Variants in SPIRE1 observed in about 807,000 individuals in gnomAD.
The protein encoded by SPIRE1 is protein spire homolog 1.
In SPIRE1, 40 loss-of-function variants were observed where a neutral mutation model predicts 94.1. The ratio of observed to expected loss-of-function variants is 0.43; its 90% confidence interval spans 0.33 to 0.55. The LOEUF is 0.55. Ranked by LOEUF, SPIRE1 falls within the 20% of genes least tolerant of loss-of-function variation. The probability of loss-of-function intolerance (pLI) is 0.06; values close to 1 mark genes in which losing one functional copy is unlikely to be tolerated. For synonymous variants in SPIRE1, 376 were observed against 371.7 expected (o/e 1.01, Z -0.13); for missense variants, 838 against 975.2 (o/e 0.86, Z 1.87).
chr18:12,574,019 G>A (rs536986634), intron 2 of SPIRE1, among the ~76,000 whole-genome samples: 168 of 152,286 alleles, frequency 1.1e-3, no homozygotes, highest in African/African-American at 3.7e-3. Flanking sequence ...GATTACAGGC[G>A]TGAGCCACCG....
At chr18:12,540,447 C>T (rs1437370874) in intron 3 of SPIRE1, among the ~76,000 whole-genome samples, 1 of 152,144 alleles carries the variant, frequency 6.6e-6, no homozygotes, top group Non-Finnish European at 1.5e-5. Context: ...GCGATCTTGG[C>T]TCACTGCAAC....
chr18:12,499,082 A>C (rs2033565618), intron 6 of SPIRE1, among the ~76,000 whole-genome samples: 1 of 152,184 alleles, frequency 6.6e-6, no homozygotes, highest in South Asian at 2.1e-4. Flanking sequence ...TTTATCTTAA[A>C]TAAAACAGAA....
chr18:12,522,583 C>T (rs2034392916), intron 4 of SPIRE1, among the ~76,000 whole-genome samples: 1 of 152,174 alleles, frequency 6.6e-6, no homozygotes, highest in African/African-American at 2.4e-5. Context: ...AAGATACCAT[C>T]TGGGACTTTC....
intron 8 of SPIRE1, among the ~76,000 whole-genome samples, chr18:12,488,946 G>A (rs1181937762): frequency 3.9e-5 from 6 of 152,290 alleles, no homozygotes; most frequent in Middle Eastern, 3.4e-3. Flanking sequence ...AGCACTTTCG[G>A]AGGCCGAGAC....
chr18:12,641,491 C>T (rs1202038556), intron 1 of SPIRE1, among the ~76,000 whole-genome samples: 1 of 151,974 alleles, frequency 6.6e-6, no homozygotes, highest in African/African-American at 2.4e-5. Flanking sequence ...GCCTCAGCCT[C>T]CCAAGTAGCT....
rs541576074 is a variant in SPIRE1 at position 12,639,490 on chromosome 18, T to C, written c.338-4394A>G. Among the ~76,000 whole-genome samples, 352 of 152,172 alleles carry C rather than the reference T, an allele frequency of 2.3e-3. 3 individuals are homozygous for C. Among genetic ancestry groups the C allele is most frequent in the South Asian group, 0.014 (69 of 4,818 alleles). ...GGCTCATACCTGCCATCCGAGCACT[T>C]TGGGAGGCCAAGGCAGGTGGATCAC... is the stretch of plus-strand genomic sequence containing the variant. On this transcript the variant is annotated intron_variant, in intron 1 of 16. Coordinates refer to ENST00000409402, the MANE Select transcript of SPIRE1 (RefSeq NM_001128626.2).
chr18:12,519,760 T>C (rs1466427429), intron 4 of SPIRE1, among the ~76,000 whole-genome samples: 4 of 152,218 alleles, frequency 2.6e-5, no homozygotes, highest in Admixed American at 1.3e-4. Flanking sequence ...ATTGTTAAGA[T>C]ACTAATTTTC....
intron 2 of SPIRE1, among the ~76,000 whole-genome samples, chr18:12,629,056 AATG>A (rs2144786154): frequency 6.6e-6 from 1 of 152,386 alleles, no homozygotes; most frequent in South Asian, 2.1e-4. Context: ...AGATTAAAGT[AATG>A]ATAAAAGTTC....
intron 8 of SPIRE1, among the ~76,000 whole-genome samples, chr18:12,491,834 A>T (rs994898828): frequency 2.6e-5 from 4 of 152,224 alleles, no homozygotes; most frequent in Non-Finnish European, 4.4e-5. Flanking sequence ...GCTGCGACAG[A>T]TGACAGCCTC....
At chr18:12,635,896 T>A (rs569490335) in intron 1 of SPIRE1, among the ~76,000 whole-genome samples, 1 of 143,208 alleles carries the variant, frequency 7.0e-6, no homozygotes, top group African/African-American at 2.7e-5. Context: ...GTTTTTTTTG[T>A]TTTTTTTTTT....
intron 10 of SPIRE1, among the ~76,000 whole-genome samples, chr18:12,477,567 G>A (rs1023621478): frequency 6.6e-6 from 1 of 152,154 alleles, no homozygotes; most frequent in African/African-American, 2.4e-5. Flanking sequence ...CCTCCTCTCA[G>A]GGAACATGTA....
chr18:12,535,419 A>C lies in SPIRE1; in HGVS notation c.729+57T>G. On this transcript the variant is annotated intron_variant, in intron 4 of 16. Transcript: ENST00000409402. ...AAAATTTAGGTTTCTCTTCCAACAA[A>C]TATCAAATGCATGCCAATCAAACAA... 4 of 1,552,724 alleles carry C rather than the reference A, an allele frequency of 2.6e-6. No homozygotes were observed. The South Asian group carries it at 3.5e-5, about 14-fold the overall frequency.
At chr18:12,458,416 C>T (rs901165254) in intron 12 of SPIRE1, among the ~76,000 whole-genome samples, 1 of 151,534 alleles carries the variant, frequency 6.6e-6, no homozygotes, top group South Asian at 2.1e-4. Context: ...TGGAGACCAT[C>T]CTGGCTAACA....
At chr18:12,521,815 T>C (rs2034369277) in intron 4 of SPIRE1, among the ~76,000 whole-genome samples, 1 of 152,164 alleles carries the variant, frequency 6.6e-6, no homozygotes, top group South Asian at 2.1e-4. Context: ...GGAGTGATCT[T>C]TGATGTTACT....
At chr18:12,631,757 T>A (rs1262448105) in intron 2 of SPIRE1, among the ~76,000 whole-genome samples, 1 of 151,954 alleles carries the variant, frequency 6.6e-6, no homozygotes, top group Admixed American at 6.6e-5. Context: ...CCCAGCTACT[T>A]GGGAGGCTGA....
In SPIRE1 at chr18:12,623,640, T is replaced by C. The variant is rs1416613917; in HGVS notation, c.372+11422A>G. ...TGATAAGGCAAATTCTTTTTTGTTT[T>C]GTTTTTTGAGAGAGTTTCACTCTTG... On this transcript the variant is annotated intron_variant, in intron 2 of 16. Coordinates refer to ENST00000409402, the MANE Select transcript of SPIRE1 (RefSeq NM_001128626.2). 2.6e-5 allele frequency among the ~76,000 whole-genome samples: 4 copies of C among 152,134 alleles called. No homozygotes were observed. The South Asian group carries it at 8.3e-4, about 31-fold the overall frequency.
chr18:12,448,562 C>T lies in SPIRE1; in HGVS notation c.*1076G>A, dbSNP rs1422155412. 2 of 152,282 alleles carry T rather than the reference C, an allele frequency of 1.3e-5. No homozygotes were observed. Among genetic ancestry groups the T allele is most frequent in the South Asian group, 2.1e-4 (1 of 4,826 alleles). The allele number at this position is 152,282 out of a possible 1,614,324, so 9.4% of individuals were successfully genotyped here. A position where few individuals can be genotyped will look rare whatever the true frequency, so the allele number is the denominator to read the frequency against. ...ACAAGGAAAACTAGTGCAGAAAGCA[C>T]CCCAAAAATGTTGCCTGTCAGCAGG... On this transcript the variant is annotated 3_prime_UTR_variant, in exon 17 of 17. Coordinates refer to ENST00000409402, the MANE Select transcript of SPIRE1 (RefSeq NM_001128626.2). The surrounding 1 kb of genome is among the most constrained non-coding windows in gnomAD (Gnocchi z 4.4).
intron 10 of SPIRE1, among the ~76,000 whole-genome samples, chr18:12,479,211 G>C (rs1243717319): frequency 1.7e-5 from 2 of 118,230 alleles, no homozygotes; most frequent in African/African-American, 3.3e-5. Flanking sequence ...GTCTCACTCT[G>C]TTGCCCAGGC....
At chr18:12,533,987 A>T (rs2034768193) in intron 4 of SPIRE1, among the ~76,000 whole-genome samples, 1 of 151,286 alleles carries the variant, frequency 6.6e-6, no homozygotes, top group South Asian at 2.1e-4. Flanking sequence ...TATTCTTCAC[A>T]GAGGGTTCAC....
Sources: gnomAD v4.1 joint callset for allele counts (sites outside exome capture counted in the v4.1 genomes callset) on GRCh38, gnomAD v4.1.1 for gene constraint, Gnocchi (gnomAD v3.1) non-coding constraint, MANE v1.5 for transcripts, NCBI Gene and HGNC (gene_info 2026-07-23, HGNC 2026-07-21) for gene names.